DAB1: variants seen among roughly 807,000 people sequenced by gnomAD.
The protein encoded by DAB1 is DAB adaptor protein 1.
A neutral mutation model predicts 64.6 loss-of-function variants in DAB1; 15 were observed. That is an observed-to-expected ratio of 0.23 (90% CI 0.16 to 0.36). DAB1 has a LOEUF of 0.36. DAB1 is among the 10% of genes least tolerant of loss of function. DAB1 has a pLI of 1.00. For missense variants in DAB1, 596 were observed against 706.7 expected (o/e 0.84, Z 1.78); for synonymous variants, 235 against 251.9 (o/e 0.93, Z 0.64).
chr1:57,504,796 T>C (rs1644326150), intron 7 of DAB1, among the ~76,000 whole-genome samples: 1 of 152,228 alleles, frequency 6.6e-6, no homozygotes, highest in African/African-American at 2.4e-5. Context: ...TGATAAGTCA[T>C]GAACATTGTC....
chr1:57,595,029 CA>C (rs1374667596), intron 7 of DAB1, among the ~76,000 whole-genome samples: 3 of 152,094 alleles, frequency 2.0e-5, no homozygotes, highest in African/African-American at 7.2e-5. Flanking sequence ...ACAATTCTAA[CA>C]CAATTCCAAG....
rs1646758948 is a variant in DAB1, at chr1:57,025,583, C to T, written c.786+398G>A. On this transcript the variant is annotated intron_variant, in intron 10 of 14. Transcript: ENST00000371236. ...TGCTGTACTGGGCTTGGGGCAGGTG[C>T]TGACAAATGCCTCATCATATGTGCT... Among the ~76,000 whole-genome samples the T allele has an allele frequency of 2.0e-5, 3 of 152,132 alleles. No individual in the cohort carries two copies. The South Asian group carries it at 6.2e-4, about 32-fold the overall frequency.
chr1:58,474,941 T>G (rs1645404517), intron 3 of DAB1, among the ~76,000 whole-genome samples: 1 of 152,106 alleles, frequency 6.6e-6, no homozygotes, highest in East Asian at 1.9e-4. Flanking sequence ...CTGTGAAGAT[T>G]AAAAGGAGAG....
intron 6 of DAB1, among the ~76,000 whole-genome samples, chr1:57,675,131 A>G (rs1416004014): frequency 1.3e-5 from 2 of 152,208 alleles, no homozygotes; most frequent in Non-Finnish European, 2.9e-5. Context: ...ACCACATGGA[A>G]CAGTCTCTGT....
At chr1:57,385,613 G>T (rs764274334) in intron 1 of DAB1, among the ~76,000 whole-genome samples, 1 of 152,188 alleles carries the variant, frequency 6.6e-6, no homozygotes, top group Non-Finnish European at 1.5e-5. Context: ...CTCAGGAAGT[G>T]CAGAGTCCAG....
chr1:57,217,169 ATCACTCTT>A lies in DAB1; in HGVS notation c.68-71748_68-71741del, dbSNP rs1175660295. ...TAAATTATCTTTCAGAAGGGATGGGATCACTCTTAGTTTCCTCCTGAAATACCTATTAT... is the reference window on the plus strand; with the variant it reads ...TAAATTATCTTTCAGAAGGGATGGGAAGTTTCCTCCTGAAATACCTATTAT... On this transcript the variant is annotated intron_variant, in intron 2 of 14. Coordinates refer to ENST00000371236, the MANE Select transcript of DAB1 (RefSeq NM_001365792.1). Among the ~76,000 whole-genome samples the A allele has an allele frequency of 1.6e-4, 25 of 152,316 alleles. No individual in the cohort carries two copies. The Middle Eastern group carries it at 0.01, about 62-fold the overall frequency.
intron 6 of DAB1, among the ~76,000 whole-genome samples, chr1:57,790,680 C>A (rs939428905): frequency 2.0e-5 from 3 of 152,122 alleles, no homozygotes; most frequent in Non-Finnish European, 4.4e-5. Flanking sequence ...ATTGGATGAA[C>A]TTTTAATAAC....
intron 6 of DAB1, among the ~76,000 whole-genome samples, chr1:57,801,055 A>G (rs530870052): frequency 2.0e-5 from 3 of 152,324 alleles, no homozygotes; most frequent in Non-Finnish European, 4.4e-5. Context: ...AAGGATAAGG[A>G]GATCTCACAC....
At position 57,710,917 on chromosome 1, in the gene DAB1, A is replaced by T. The variant is rs139832704; in HGVS notation, n.552-61252T>A. On this transcript the variant is annotated intron_variant and non_coding_transcript_variant, in intron 6 of 20. Coordinates refer to the DAB1 transcript ENST00000485760. ...TGTGTGGGGCCACAGGACAGGTCCA[A>T]GATTGGGGCAGGCAGGAGGGTCAGG... is the stretch of plus-strand genomic sequence containing the variant. 1.1e-3 allele frequency among the ~76,000 whole-genome samples: 163 copies of T among 152,290 alleles called. 1 individual carries two copies. The highest frequency in any genetic ancestry group is 3.8e-3 in the African/African-American group (156 of 41,564).
chr1:57,313,075 G>A (rs1420333360), intron 1 of DAB1, among the ~76,000 whole-genome samples: 2 of 152,134 alleles, frequency 1.3e-5, no homozygotes, highest in East Asian at 3.9e-4. Context: ...AGGAGCAGAT[G>A]GGGTGCTAAA....
chr1:58,481,622 A>G (rs1170865344), intron 3 of DAB1, among the ~76,000 whole-genome samples: 1 of 152,184 alleles, frequency 6.6e-6, no homozygotes, highest in Non-Finnish European at 1.5e-5. Flanking sequence ...AAAATTGATG[A>G]TAATAACCTA....
chr1:58,034,918 T>C (rs1647022227), intron 5 of DAB1, among the ~76,000 whole-genome samples: 1 of 152,228 alleles, frequency 6.6e-6, no homozygotes, highest in Non-Finnish European at 1.5e-5. Flanking sequence ...ATGTGCATGC[T>C]GCTTCTCCTC....
chr1:57,983,484 C>T lies in DAB1; in HGVS notation n.388-99322G>A, dbSNP rs77559141. On this transcript the variant is annotated intron_variant and non_coding_transcript_variant, in intron 5 of 20. Coordinates refer to the DAB1 transcript ENST00000485760. ...GAGTAGAAGAGGACCATAGCCTGGG[C>T]ACAGAACTGCCTGCAAAAGGACCCA... 6.8e-4 allele frequency among the ~76,000 whole-genome samples: 104 copies of T among 152,268 alleles called. 1 individual carries two copies. The East Asian group carries it at 0.019, about 28-fold the overall frequency.
intron 7 of DAB1, among the ~76,000 whole-genome samples, chr1:57,582,120 A>C (rs1009221696): frequency 6.6e-6 from 1 of 152,194 alleles, no homozygotes; most frequent in Non-Finnish European, 1.5e-5. Context: ...CAATGACCTC[A>C]TTTAAAGCTA....
chr1:57,181,186 A>G (rs924326948), intron 2 of DAB1, among the ~76,000 whole-genome samples: 1 of 152,224 alleles, frequency 6.6e-6, no homozygotes, highest in East Asian at 1.9e-4. Flanking sequence ...TCAGAAAACA[A>G]ATAGCAGCTG....
chr1:57,404,868 C>G (rs1382549898), intron 1 of DAB1, among the ~76,000 whole-genome samples: 1 of 152,114 alleles, frequency 6.6e-6, no homozygotes, highest in African/African-American at 2.4e-5. Context: ...GATGTATAGC[C>G]AATGAATTTT....
chr1:57,466,955 G>A (rs2101194728), intron 7 of DAB1, among the ~76,000 whole-genome samples: 1 of 152,264 alleles, frequency 6.6e-6, no homozygotes, highest in South Asian at 2.1e-4. Context: ...AAAGGCTTGT[G>A]TGATTAGATG....
intron 7 of DAB1, among the ~76,000 whole-genome samples, chr1:57,537,866 T>G (rs1479203905): frequency 6.6e-6 from 1 of 152,202 alleles, no homozygotes; most frequent in East Asian, 1.9e-4. Flanking sequence ...GCTGATGGCC[T>G]CTGGCTGCTT....
At chr1:58,011,613 G>C (rs1002994081) in intron 5 of DAB1, among the ~76,000 whole-genome samples, 8 of 152,060 alleles carry the variant, frequency 5.3e-5, no homozygotes, top group African/African-American at 1.4e-4. Context: ...ATAAATGTAA[G>C]GTAATCAATC....
Sources: gnomAD v4.1 joint callset for allele counts (sites outside exome capture counted in the v4.1 genomes callset) on GRCh38, gnomAD v4.1.1 for gene constraint, MANE v1.5 for transcripts, NCBI Gene and HGNC (gene_info 2026-07-23, HGNC 2026-07-21) for gene names.